Variants in EGFLAM observed in about 807,000 individuals in gnomAD.
EGFLAM encodes EGF like, fibronectin type III and laminin G domains, also known as pikachurin.
In EGFLAM, 79 loss-of-function variants were observed where a neutral mutation model predicts 113.1. The observed-to-expected ratio is 0.70, with a 90% CI of 0.58 to 0.84. EGFLAM has a LOEUF of 0.84. Among genes scored for constraint, EGFLAM ranks in the 40% least tolerant of loss-of-function variants. The probability of loss-of-function intolerance (pLI) is 0.00; values close to 1 mark genes in which losing one functional copy is unlikely to be tolerated. For missense variants in EGFLAM, 1,265 were observed against 1,291.6 expected (o/e 0.98, Z 0.32); for synonymous variants, 504 against 487.6 (o/e 1.03, Z -0.44).
chr5:38,346,894 G>A (rs755918853), intron 3 of EGFLAM, among the ~76,000 whole-genome samples: 1 of 151,650 alleles, frequency 6.6e-6, no homozygotes, highest in Non-Finnish European at 1.5e-5. Flanking sequence ...TAGAGCTGGA[G>A]AGGGGATCTG....
At chr5:38,384,972 A>G (rs888209405) in intron 6 of EGFLAM, among the ~76,000 whole-genome samples, 1 of 152,070 alleles carries the variant, frequency 6.6e-6, no homozygotes, top group Non-Finnish European at 1.5e-5. Flanking sequence ...AAATATGAAT[A>G]CCTTGCAATG....
At chr5:38,369,335 G>A (rs945943830) in intron 5 of EGFLAM, among the ~76,000 whole-genome samples, 2 of 152,162 alleles carry the variant, frequency 1.3e-5, no homozygotes, top group African/African-American at 4.8e-5. Flanking sequence ...AAAATCCAGT[G>A]TACATTTTAC....
chr5:38,400,281 T>G, intron 6 of EGFLAM, among the ~76,000 whole-genome samples: 1 of 152,186 alleles, frequency 6.6e-6, no homozygotes. Context: ...AAAGCACAGG[T>G]TTTTTTATAA....
chr5:38,423,772 C>A (rs1209072761), intron 12 of EGFLAM, among the ~76,000 whole-genome samples: 1 of 152,212 alleles, frequency 6.6e-6, no homozygotes, highest in Non-Finnish European at 1.5e-5. Flanking sequence ...GCTGGGGAGG[C>A]AAGCCATCTG....
chr5:38,438,015 G>C (rs946038242), intron 16 of EGFLAM, among the ~76,000 whole-genome samples: 1 of 149,708 alleles, frequency 6.7e-6, no homozygotes, highest in African/African-American at 2.5e-5. Context: ...CCAGCTACTT[G>C]GGAGGCTGAG....
At chr5:38,448,798 G>T (rs557689034) in intron 18 of EGFLAM, among the ~76,000 whole-genome samples, 1 of 152,332 alleles carries the variant, frequency 6.6e-6, no homozygotes, top group East Asian at 1.9e-4. Flanking sequence ...GCTCTGACCT[G>T]GGCCAGCAGC....
At chr5:38,433,993 G>A (rs976188564) in intron 15 of EGFLAM, among the ~76,000 whole-genome samples, 6 of 152,248 alleles carry the variant, frequency 3.9e-5, no homozygotes, top group Admixed American at 3.9e-4. Context: ...TCCATGACTC[G>A]CCTGTCTTGT....
At chr5:38,279,183 A>C (rs1757958998) in intron 1 of EGFLAM, among the ~76,000 whole-genome samples, 1 of 152,224 alleles carries the variant, frequency 6.6e-6, no homozygotes, top group African/African-American at 2.4e-5. Flanking sequence ...ATCTTACCCC[A>C]GCTAGAATGG....
intron 6 of EGFLAM, among the ~76,000 whole-genome samples, chr5:38,394,595 G>A (rs1200175408): frequency 1.3e-5 from 2 of 150,228 alleles, no homozygotes; most frequent in African/African-American, 4.9e-5. Flanking sequence ...ATTTTTAGTA[G>A]AGACGGGGTT....
Position 38,435,241 on chromosome 5 carries a change from G to A in EGFLAM, c.2271G>A (p.Gly757=), listed in dbSNP as rs1442677362. The A allele has an allele frequency of 1.2e-6, 2 of 1,613,836 alleles. No individual in the cohort carries two copies. The highest frequency in any genetic ancestry group is 1.7e-5 in the Admixed American group (1 of 60,016). Residue 757 remains glycine, a synonymous_variant, in exon 16 of 22, where the codon GGG becomes GGA. Transcript: ENST00000322350. ...CGGGTGTCCTGAAGCCTTTCAGCGG[G>A]AGCATCCAGAAGGTACAGGCATCTC... The part of the protein sequence containing the change: ...KNSGVLKPFS[G]SIQKIILNDR...
chr5:38,342,411 A>G (rs1370979838), intron 3 of EGFLAM, among the ~76,000 whole-genome samples: 5 of 152,208 alleles, frequency 3.3e-5, no homozygotes, highest in African/African-American at 9.6e-5. Context: ...TGTTTTCAGT[A>G]AGATAGGACC....
chr5:38,365,489 G>T (rs1018375706), intron 5 of EGFLAM, among the ~76,000 whole-genome samples: 1 of 152,160 alleles, frequency 6.6e-6, no homozygotes, highest in African/African-American at 2.4e-5. Context: ...AGGGGCTAAT[G>T]ACACCTGCTT....
At chr5:38,339,059 GT>G (rs1739267084) in intron 3 of EGFLAM, among the ~76,000 whole-genome samples, 1 of 152,136 alleles carries the variant, frequency 6.6e-6, no homozygotes, top group East Asian at 1.9e-4. Context: ...CTTACAGCTG[GT>G]TTTTCCCCTT....
rs373255840 is a variant in EGFLAM at position 38,344,611 on chromosome 5, A to G, written c.291+5830A>G. Reference sequence around the variant, plus strand: ...GTCTAACAGGCCAGAAACTCAAATTAACAGTGTTTCTAATGAGATGTGCAT... The same window carrying G: ...GTCTAACAGGCCAGAAACTCAAATTGACAGTGTTTCTAATGAGATGTGCAT... On this transcript the variant is annotated intron_variant, in intron 3 of 21. Coordinates refer to ENST00000322350, the MANE Select transcript of EGFLAM (RefSeq NM_152403.4). Among the ~76,000 whole-genome samples, 13 of 152,300 alleles carry G rather than the reference A, an allele frequency of 8.5e-5. No homozygotes were observed. The East Asian group carries it at 1.9e-3, about 23-fold the overall frequency.
At chr5:38,462,422 C>T (rs1743314142) in intron 20 of EGFLAM, among the ~76,000 whole-genome samples, 2 of 152,206 alleles carry the variant, frequency 1.3e-5, no homozygotes, top group Admixed American at 6.5e-5. Context: ...CTTCACCTTT[C>T]CCAGCCCCAG....
chr5:38,296,722 C>T (rs1375096168), intron 1 of EGFLAM, among the ~76,000 whole-genome samples: 1 of 151,244 alleles, frequency 6.6e-6, no homozygotes, highest in African/African-American at 2.4e-5. Context: ...TGCATTTTTA[C>T]ATACATATGT....
chr5:38,282,493 G>A (rs1488203616), intron 1 of EGFLAM: 1 of 152,140 alleles, frequency 6.6e-6, no homozygotes, highest in Non-Finnish European at 1.5e-5. Context: ...CTGTGGGGAG[G>A]GCTGTGGGAA....
intron 3 of EGFLAM, among the ~76,000 whole-genome samples, chr5:38,349,223 A>G (rs1739552697): frequency 1.3e-5 from 2 of 152,352 alleles, no homozygotes; most frequent in East Asian, 1.9e-4. Context: ...ACAGTTTTTA[A>G]TAAATACAAT....
intron 1 of EGFLAM, among the ~76,000 whole-genome samples, chr5:38,296,009 T>G (rs908678571): frequency 1.3e-5 from 2 of 152,148 alleles, no homozygotes; most frequent in African/African-American, 4.8e-5. Flanking sequence ...GGGGGACGGG[T>G]TGCCATGTCT....
Sources: allele counts gnomAD v4.1 joint callset (sites outside exome capture counted in the v4.1 genomes callset), GRCh38; gene constraint gnomAD v4.1.1; transcripts MANE v1.5; gene names NCBI Gene and HGNC (gene_info 2026-07-23, HGNC 2026-07-21).